Variants in IRF2 observed in about 807,000 individuals in gnomAD.
The protein encoded by IRF2 is interferon regulatory factor 2.
Under a neutral mutation model 40.6 loss-of-function variants are expected in IRF2, and 15 were observed. The observed-to-expected ratio is 0.37, with a 90% CI of 0.25 to 0.57. IRF2 has a LOEUF of 0.57. IRF2 is among the 20% of genes least tolerant of loss of function. The pLI, the probability that IRF2 is intolerant of heterozygous loss-of-function variation, is 0.77. For missense variants in IRF2, 317 were observed against 455.7 expected, an observed-to-expected ratio of 0.70 and a Z score of 2.77; for synonymous variants, 151 against 165.5, an observed-to-expected ratio of 0.91 and a Z score of 0.67.
At chr4:184,407,998 C>T (rs536252652) in intron 6 of IRF2, among the ~76,000 whole-genome samples, 160 bp downstream of exon 6, 29 of 152,302 alleles carry the variant, frequency 1.9e-4, no homozygotes, top group South Asian at 8.3e-4. Context: ...CAAAAGCCTT[C>T]GTTTCTCAGC....
intron 7 of IRF2, among the ~76,000 whole-genome samples, chr4:184,395,050 G>A (rs1319075261): frequency 2.0e-5 from 3 of 152,064 alleles, no homozygotes; most frequent in Non-Finnish European, 4.4e-5. Flanking sequence ...ATGATTCAAC[G>A]ATCAGTAGGG....
chr4:184,432,351 T>A (rs904713748), intron 1 of IRF2, among the ~76,000 whole-genome samples: 1 of 152,238 alleles, frequency 6.6e-6, no homozygotes, highest in East Asian at 1.9e-4. Context: ...CAGACAAGTG[T>A]TCTTTTCACA....
chr4:184,473,712 G>A (rs1181332938), intron 1 of IRF2, among the ~76,000 whole-genome samples: 4 of 149,948 alleles, frequency 2.7e-5, no homozygotes, highest in South Asian at 2.1e-4. Context: ...GCAGGCAGGC[G>A]AGCCCCTGGA....
At chr4:184,445,059 G>A (rs1269602994) in intron 1 of IRF2, among the ~76,000 whole-genome samples, 4 of 152,186 alleles carry the variant, frequency 2.6e-5, no homozygotes, top group Non-Finnish European at 4.4e-5. Flanking sequence ...GTGCTGACAC[G>A]CTGCTCTCTT....
intron 1 of IRF2, among the ~76,000 whole-genome samples, chr4:184,457,095 A>G (rs1042408805): frequency 2.0e-5 from 3 of 152,222 alleles, no homozygotes; most frequent in African/African-American, 7.2e-5. Context: ...CAGGTGGAAT[A>G]ATGCCTCCCA....
At chr4:184,404,460 T>G (rs72701796) in intron 6 of IRF2, among the ~76,000 whole-genome samples, 4,257 of 152,332 alleles carry the variant, frequency 0.028, 80 homozygotes, top group South Asian at 0.046. Flanking sequence ...TTTCACTTCA[T>G]CCTCACAATA....
At chr4:184,428,915 G>A in intron 2 of IRF2, 63 bp downstream of exon 2, 2 of 1,286,620 alleles carry the variant, frequency 1.6e-6, no homozygotes, top group Non-Finnish European at 2.3e-6. Flanking sequence ...ACTTTCAGCA[G>A]TCCGCATGGG....
chr4:184,388,656 TAGA>T lies in IRF2; in HGVS notation c.*99_*101del. On this transcript the variant is annotated 3_prime_UTR_variant, in exon 9 of 9. Coordinates refer to ENST00000393593, the MANE Select transcript of IRF2 (RefSeq NM_002199.4). This position sits in a 1 kb window ranked among gnomAD's most constrained non-coding sequence, Gnocchi z 4.6. ...GTTCTATTGTCAAGGCTTTTTCCCTTAGATTTGTCTAAAATAGGTGTCAGAGAG... is the reference window on the plus strand; with the variant it reads ...GTTCTATTGTCAAGGCTTTTTCCCTTTTTGTCTAAAATAGGTGTCAGAGAG... 1 of 1,211,758 alleles carries T rather than the reference TAGA, an allele frequency of 8.3e-7. No homozygotes were observed. 75.1% of individuals were successfully genotyped at this position (1,211,758 alleles called of 1,614,324 possible). A position where few individuals can be genotyped will look rare whatever the true frequency, so the allele number is the denominator to read the frequency against.
At chr4:184,473,428 C>T (rs886415235) in intron 1 of IRF2, among the ~76,000 whole-genome samples, 1 of 147,536 alleles carries the variant, frequency 6.8e-6, no homozygotes, top group Non-Finnish European at 1.5e-5. Flanking sequence ...TAGGCCGCGG[C>T]CCGGGCGGCT....
chr4:184,466,858 C>T (rs760517523), intron 1 of IRF2, among the ~76,000 whole-genome samples: 12 of 152,182 alleles, frequency 7.9e-5, no homozygotes, highest in Non-Finnish European at 1.2e-4. Context: ...ACATGTACTG[C>T]AGGTTACTGT....
chr4:184,423,837 C>A (rs1431882932), intron 2 of IRF2, among the ~76,000 whole-genome samples: 1 of 152,202 alleles, frequency 6.6e-6, no homozygotes, highest in East Asian at 1.9e-4. Context: ...AAACACCAAA[C>A]ACAACCTGTG....
chr4:184,429,644 C>T (rs1270086477), intron 1 of IRF2, among the ~76,000 whole-genome samples: 1 of 152,212 alleles, frequency 6.6e-6, no homozygotes. Flanking sequence ...TCCAGAGCCC[C>T]TGGAAGCCTG....
In IRF2 at chr4:184,435,984, C is replaced by CTT. The variant is rs35816093; in HGVS notation, c.-6-6916_-6-6915dup. Among the ~76,000 whole-genome samples, 198 of 143,408 alleles carry CTT rather than the reference C, an allele frequency of 1.4e-3. 1 individual carries two copies. Among genetic ancestry groups the CTT allele is most frequent in the African/African-American group, 3.4e-3 (131 of 38,904 alleles). 94.1% of individuals were successfully genotyped at this position (143,408 alleles called of 152,430 possible). On this transcript the variant is annotated intron_variant, in intron 1 of 8. Coordinates refer to ENST00000393593, the MANE Select transcript of IRF2 (RefSeq NM_002199.4). ...TTTTTTCTTTTTCTTTTTCTTTTTT[C>CTT]TTTTTTTTTTTGAGACAGAGTCTCG... is the stretch of plus-strand genomic sequence containing the variant.
intron 1 of IRF2, among the ~76,000 whole-genome samples, chr4:184,454,151 C>T (rs1293995459): frequency 1.3e-5 from 2 of 152,180 alleles, no homozygotes; most frequent in Non-Finnish European, 2.9e-5. Context: ...ATGATTTCCT[C>T]CCACACTCCA....
At chr4:184,449,535 G>A (rs899650841) in intron 1 of IRF2, among the ~76,000 whole-genome samples, 5 of 152,130 alleles carry the variant, frequency 3.3e-5, no homozygotes, top group Non-Finnish European at 5.9e-5. Flanking sequence ...TGCTATATAC[G>A]CCCAGCACAG....
intron 1 of IRF2, among the ~76,000 whole-genome samples, chr4:184,464,892 G>A (rs982592243): frequency 4.6e-5 from 7 of 151,508 alleles, no homozygotes; most frequent in African/African-American, 4.9e-5. Flanking sequence ...CTTTTGGGAC[G>A]GGAGAGGGAC....
At chr4:184,396,852 C>T (rs529916069) in intron 7 of IRF2, among the ~76,000 whole-genome samples, 2 of 152,262 alleles carry the variant, frequency 1.3e-5, no homozygotes, top group Admixed American at 1.3e-4. Context: ...CCCGTAATCC[C>T]AGCACTTTGG....
intron 1 of IRF2, among the ~76,000 whole-genome samples, chr4:184,461,649 AG>A (rs1212437671): frequency 6.6e-6 from 1 of 152,168 alleles, no homozygotes. Context: ...TGATCAAAAT[AG>A]TCAACGGTTT....
At chr4:184,403,535 C>T (rs1350432582) in intron 6 of IRF2, among the ~76,000 whole-genome samples, 1 of 152,146 alleles carries the variant, frequency 6.6e-6, no homozygotes, top group African/African-American at 2.4e-5. Context: ...AATAGTGATC[C>T]CCATTCTAGA....
Sources: allele counts gnomAD v4.1 joint callset (sites outside exome capture counted in the v4.1 genomes callset), GRCh38; gene constraint gnomAD v4.1.1; non-coding constraint Gnocchi (gnomAD v3.1); transcripts MANE v1.5; gene names NCBI Gene and HGNC (gene_info 2026-07-23, HGNC 2026-07-21).